The following LRRN3 variants were observed in gnomAD, a reference collection of about 807,000 sequenced individuals.
LRRN3 encodes leucine-rich repeat neuronal protein 3.
Under a neutral mutation model 40.1 loss-of-function variants are expected in LRRN3, and 15 were observed. The observed-to-expected ratio is 0.37, with a 90% CI of 0.25 to 0.58. The LOEUF is 0.58. Among genes scored for constraint, LRRN3 ranks in the 20% least tolerant of loss-of-function variants. The pLI is 0.72. For missense variants in LRRN3, 746 were observed against 837.7 expected (o/e 0.89, Z 1.35); for synonymous variants, 308 against 297.2 (o/e 1.04, Z -0.37).
chr7:111,112,397 C>G (rs557789497), intron 2 of LRRN3, among the ~76,000 whole-genome samples: 1 of 152,286 alleles, frequency 6.6e-6, no homozygotes, highest in African/African-American at 2.4e-5. Context: ...AGAGTGCCAC[C>G]AAGTCATCTC....
In LRRN3 at chr7:111,125,077, T is replaced by G. The variant is rs1343689385; in HGVS notation, c.*178T>G. ...CCTGACCAATGGAAATATGTACAAC[T>G]TCAGCATTTTAAGTAACTGGCTTCA... On this transcript the variant is annotated 3_prime_UTR_variant, in exon 3 of 3. Transcript: ENST00000308478. 1 of 513,258 alleles carries G rather than the reference T, an allele frequency of 1.9e-6. No homozygotes were observed. Among genetic ancestry groups the G allele is most frequent in the Non-Finnish European group, 3.5e-6 (1 of 289,512 alleles). 31.8% of individuals were successfully genotyped at this position (513,258 alleles called of 1,614,324 possible).
chr7:111,094,931 T>A (rs1449386551), intron 1 of LRRN3, among the ~76,000 whole-genome samples: 1 of 152,060 alleles, frequency 6.6e-6, no homozygotes, highest in Non-Finnish European at 1.5e-5. Context: ...TAGAGGTCAT[T>A]AAATACAGGA....
intron 2 of LRRN3, among the ~76,000 whole-genome samples, chr7:111,110,810 A>T (rs1158790229): frequency 6.6e-6 from 1 of 152,170 alleles, no homozygotes; most frequent in Non-Finnish European, 1.5e-5. Context: ...TTGTCTTGGC[A>T]TATTGGAACA....
intron 2 of LRRN3, among the ~76,000 whole-genome samples, chr7:111,114,562 C>A (rs376302001): frequency 1.3e-4 from 20 of 151,622 alleles, no homozygotes; most frequent in African/African-American, 4.8e-4. Flanking sequence ...ATGGTGAAAC[C>A]CCATCTGTAC....
At chr7:111,114,585 C>T (rs1011974993) in intron 2 of LRRN3, among the ~76,000 whole-genome samples, 4 of 151,372 alleles carry the variant, frequency 2.6e-5, no homozygotes, top group African/African-American at 9.7e-5. Flanking sequence ...AAAATACAAA[C>T]ATTCGCTGGG....
Position 111,123,190 on chromosome 7 carries a change from A to G in LRRN3, c.418A>G (p.Ser140Gly). ...ELPEKCLSELSNLQELYINHN... is the reference protein window; with the variant it reads ...ELPEKCLSELGNLQELYINHN... ...GCCTGAAAAATGTCTGTCCGAACTG[A>G]GCAACTTACAAGAACTCTATATTAA... Residue 140 changes from serine (S) to glycine (G), a missense_variant, in exon 3 of 3, where the codon AGC (serine) becomes GGC (glycine). Coordinates refer to ENST00000308478, the MANE Select transcript of LRRN3 (RefSeq NM_001099658.2). The surrounding 1 kb of genome is among the most constrained non-coding windows in gnomAD (Gnocchi z 6.4). 2.5e-6 allele frequency: 4 copies of G among 1,613,980 alleles called. No individual in the cohort carries two copies. Among genetic ancestry groups the G allele is most frequent in the Non-Finnish European group, 2.5e-6 (3 of 1,179,968 alleles).
chr7:111,107,171 CT>C (rs1465686634), intron 2 of LRRN3, among the ~76,000 whole-genome samples: 30 of 26,360 alleles, frequency 1.1e-3, no homozygotes, highest in African/African-American at 3.6e-3. Context: ...CTTCTTTCCC[CT>C]TTCCCTCTCT....
At chr7:111,115,235 G>C (rs1395831261) in intron 2 of LRRN3, among the ~76,000 whole-genome samples, 1 of 152,084 alleles carries the variant, frequency 6.6e-6, no homozygotes, top group Non-Finnish European at 1.5e-5. Flanking sequence ...TTGTAAATTA[G>C]AATTCCCCAG....
In LRRN3 at chr7:111,123,773, C is replaced by T. The variant is rs1349913356; in HGVS notation, c.1001C>T (p.Pro334Leu). 6.2e-7 allele frequency: 1 copy of T among 1,613,942 alleles called. No homozygotes were observed. The highest frequency in any genetic ancestry group is 1.7e-5 in the Admixed American group (1 of 59,972). The change falls in exon 3 of 3, where the codon CCC becomes CTC. Residue 334 changes from proline to leucine, a missense_variant. Transcript: ENST00000308478. The surrounding 1 kb of genome is among the most constrained non-coding windows in gnomAD (Gnocchi z 6.4). ...YIHPNAFFRLPKLESLMLNSN... is the reference protein window; with the variant it reads ...YIHPNAFFRLLKLESLMLNSN... The stretch of plus-strand genomic sequence containing the variant: ...CACCCCAATGCATTTTTCAGACTCC[C>T]CAAGCTGGAATCACTCATGCTGAAC...
intron 2 of LRRN3, among the ~76,000 whole-genome samples, chr7:111,104,517 A>T (rs988538602): frequency 2.0e-5 from 3 of 151,826 alleles, no homozygotes; most frequent in African/African-American, 7.2e-5. Flanking sequence ...ATTTTTTAAA[A>T]GGCTGAGGGG....
At chr7:111,098,880 G>A (rs988747602) in intron 1 of LRRN3, among the ~76,000 whole-genome samples, 11 of 151,656 alleles carry the variant, frequency 7.3e-5, no homozygotes, top group Admixed American at 2.6e-4. Context: ...AGTTGATATC[G>A]CCTTCCAAGA....
rs1356672771 is a variant in LRRN3 at position 111,123,832 on chromosome 7, A to G, written c.1060A>G (p.Ile354Val). The change falls in exon 3 of 3, where the codon ATT becomes GTT. Residue 354 changes from isoleucine (I) to valine (V), a missense_variant. Coordinates refer to ENST00000308478, the MANE Select transcript of LRRN3 (RefSeq NM_001099658.2). The surrounding 1 kb of genome is among the most constrained non-coding windows in gnomAD (Gnocchi z 6.4). Reference sequence around the variant, plus strand: ...TCTCAGTGCCCTGTACCATGGTACCATTGAGTCTCTGCCAAACCTCAAGGA... The same window carrying G: ...TCTCAGTGCCCTGTACCATGGTACCGTTGAGTCTCTGCCAAACCTCAAGGA... The part of the protein sequence containing the change: ...NALSALYHGT[I>V]ESLPNLKEIS... The G allele has an allele frequency of 1.2e-6, 2 of 1,614,000 alleles. No individual in the cohort carries two copies. Among genetic ancestry groups the G allele is most frequent in the Non-Finnish European group, 1.7e-6 (2 of 1,179,962 alleles).
intron 2 of LRRN3, among the ~76,000 whole-genome samples, chr7:111,119,143 G>A (rs1057093038): frequency 9.2e-5 from 14 of 152,110 alleles, no homozygotes; most frequent in African/African-American, 1.2e-4. Flanking sequence ...CAGACCTAAC[G>A]AATTAATTGA....
At chr7:111,102,821 T>C (rs1013431487) in intron 2 of LRRN3, among the ~76,000 whole-genome samples, 12 of 151,540 alleles carry the variant, frequency 7.9e-5, no homozygotes, top group Non-Finnish European at 1.8e-4. Context: ...GCTAGGGTCA[T>C]AAAAGACTTC....
intron 1 of LRRN3, among the ~76,000 whole-genome samples, chr7:111,098,650 C>T (rs191261881): frequency 7.2e-5 from 11 of 151,850 alleles, no homozygotes; most frequent in Admixed American, 4.6e-4. Context: ...ATGCTAAGCA[C>T]TTAACATACA....
At chr7:111,105,680 C>G (rs937400964) in intron 2 of LRRN3, among the ~76,000 whole-genome samples, 1 of 151,702 alleles carries the variant, frequency 6.6e-6, no homozygotes, top group African/African-American at 2.4e-5. Context: ...GTCTATTTTC[C>G]CATAGCTTTA....
At chr7:111,094,374 A>C (rs1266746027) in intron 1 of LRRN3, among the ~76,000 whole-genome samples, 1 of 152,138 alleles carries the variant, frequency 6.6e-6, no homozygotes, top group Non-Finnish European at 1.5e-5. Context: ...CTAAAAAATG[A>C]GTTCCTACTT....
intron 2 of LRRN3, among the ~76,000 whole-genome samples, chr7:111,117,980 C>T (rs539497942): frequency 5.3e-5 from 8 of 152,052 alleles, no homozygotes; most frequent in Non-Finnish European, 7.4e-5. Context: ...GATTTTAAAT[C>T]TTCTTACTCA....
Position 111,122,969 on chromosome 7 carries a change from G to A in LRRN3, c.197G>A (p.Arg66Lys). Residue 66 changes from arginine to lysine, a missense_variant, in exon 3 of 3, where the codon AGA becomes AAA. Physicochemically the swap from Arg to Lys is conservative, Grantham distance 26. Coordinates refer to ENST00000308478, the MANE Select transcript of LRRN3 (RefSeq NM_001099658.2). ...TTAGGTCTTTTAACTTTCCCAGCCA[G>A]ATTGCCAGCTAACACACAGATTCTT... ...NDLGLLTFPA[R>K]LPANTQILLL... is the part of the protein sequence containing the mutation. 2 of 1,614,036 alleles carry A rather than the reference G, an allele frequency of 1.2e-6. No homozygotes were observed. Among genetic ancestry groups the A allele is most frequent in the Non-Finnish European group, 1.7e-6 (2 of 1,179,964 alleles).
Sources: gnomAD v4.1 joint callset for allele counts (sites outside exome capture counted in the v4.1 genomes callset) on GRCh38, gnomAD v4.1.1 for gene constraint, Gnocchi (gnomAD v3.1) non-coding constraint, MANE v1.5 for transcripts, NCBI Gene and HGNC (gene_info 2026-07-23, HGNC 2026-07-21) for gene names.